The following PI4K2A variants were observed in gnomAD, a reference collection of about 807,000 sequenced individuals.
PI4K2A encodes phosphatidylinositol 4-kinase type 2 alpha, also known as phosphatidylinositol 4-kinase type 2-alpha.
PI4K2A carries 20 observed loss-of-function variants against 55.0 expected under a neutral mutation model. That is an observed-to-expected ratio of 0.36 (90% CI 0.26 to 0.53). PI4K2A has a LOEUF of 0.53. Ranked by LOEUF, PI4K2A falls within the 20% of genes least tolerant of loss-of-function variation. PI4K2A has a pLI of 0.91. For synonymous variants in PI4K2A, 235 were observed against 258.5 expected (o/e 0.91, Z 0.87); for missense variants, 463 against 637.1 (o/e 0.73, Z 2.94).
chr10:97,673,948 G>A (rs1202405085), exon 9 of PI4K2A: 1 of 552,096 alleles, frequency 1.8e-6, no homozygotes, highest in Non-Finnish European at 3.2e-6. Flanking sequence ...TGATGTGGGG[G>A]AGGCTGGAGC....
At chr10:97,667,754 C>A (rs931723655) in intron 8 of PI4K2A, among the ~76,000 whole-genome samples, 1 of 152,148 alleles carries the variant, frequency 6.6e-6, no homozygotes, top group Non-Finnish European at 1.5e-5. Context: ...AGATCTGGGC[C>A]CTGGAGCCAG....
Position 97,656,363 on chromosome 10 carries a change from GA to G in PI4K2A, c.716del (p.Glu239GlyfsTer77), listed in dbSNP as rs754359547. On this transcript the variant is annotated frameshift_variant, in exon 3 of 9. Coordinates refer to ENST00000370631, the Ensembl canonical transcript of PI4K2A. LOFTEE classifies it high-confidence loss of function. The surrounding 1 kb of genome is among the most constrained non-coding windows in gnomAD (Gnocchi z 4.5). ...GTCCAGGGGCAAGCGGCTTGCACTA[GA>G]GAAAGTGCCAAAAGTTGGACAGCGG... 3 of 1,613,974 alleles carry G rather than the reference GA, an allele frequency of 1.9e-6. No individual in the cohort carries two copies.
intron 1 of PI4K2A, among the ~76,000 whole-genome samples, chr10:97,649,456 T>G (rs993276163): frequency 2.6e-5 from 4 of 152,124 alleles, no homozygotes; most frequent in Non-Finnish European, 5.9e-5. Context: ...ATGTCCTGGT[T>G]TCTTGCCTAT....
At position 97,672,722 on chromosome 10, in the gene PI4K2A, G is replaced by GTTTTTTTTT. The variant is rs201709914; in HGVS notation, c.1279-857_1279-856insTTTTTTTTT. ...ATGGAATTGCCGAGTCAGAGGGTCT[G>GTTTTTTTTT]TTCTTTTTTTTTTTTTTTTTTTTTT... is the stretch of plus-strand genomic sequence containing the variant. On this transcript the variant is annotated intron_variant, in intron 8 of 8. Transcript: ENST00000370631. 1.4e-3 allele frequency among the ~76,000 whole-genome samples: 131 copies of GTTTTTTTTT among 94,738 alleles called. 14 individuals are homozygous for GTTTTTTTTT. The highest frequency in any genetic ancestry group is 1.7e-3 in the Non-Finnish European group (85 of 50,108). The allele number at this position is 94,738 out of a possible 152,430, so 62.2% of individuals were successfully genotyped here.
chr10:97,656,383 A>G lies in PI4K2A; in HGVS notation c.735A>G (p.Gly245=), dbSNP rs771189788. 4 of 1,614,178 alleles carry G rather than the reference A, an allele frequency of 2.5e-6. No homozygotes were observed. Among genetic ancestry groups the G allele is most frequent in the Non-Finnish European group, 3.4e-6 (4 of 1,180,014 alleles). ...CACTAGAGAAAGTGCCAAAAGTTGG[A>G]CAGCGGTTTAACCGCATCGGGCTAC... The change falls in exon 3 of 9, where the codon GGA becomes GGG. Residue 245 remains glycine, a synonymous_variant. Transcript: ENST00000370631. The surrounding 1 kb of genome is among the most constrained non-coding windows in gnomAD (Gnocchi z 4.5).
chr10:97,651,230 C>A, intron 2 of PI4K2A, 89 bp downstream of exon 2: 1 of 929,070 alleles, frequency 1.1e-6, no homozygotes, highest in Non-Finnish European at 1.7e-6. Context: ...GACCTTGGGT[C>A]CAGTGGGGTC....
In PI4K2A at chr10:97,650,938, T is replaced by A; in HGVS notation, c.436-3T>A. On this transcript the variant is annotated splice_region_variant and splice_polypyrimidine_tract_variant and intron_variant, in intron 1 of 8. Coordinates refer to ENST00000370631, the Ensembl canonical transcript of PI4K2A. ...ACATCCTCTTTTTCTTTGGTCTCTG[T>A]AGAGGATCATTGCTGTCTTCAAACC... 1 of 1,609,614 alleles carries A rather than the reference T, an allele frequency of 6.2e-7. No individual in the cohort carries two copies. The highest frequency in any genetic ancestry group is 8.5e-7 in the Non-Finnish European group (1 of 1,175,900).
chr10:97,642,082 T>G (rs1049387303), intron 1 of PI4K2A, among the ~76,000 whole-genome samples: 1 of 152,152 alleles, frequency 6.6e-6, no homozygotes, highest in African/African-American at 2.4e-5. Flanking sequence ...CTGCAATGGG[T>G]CATTGGAAAG....
exon 1 of PI4K2A, chr10:97,640,687 G>A: frequency 4.6e-6 from 6 of 1,291,400 alleles, no homozygotes; most frequent in East Asian, 2.9e-5. Context: ...GATTGGTCGC[G>A]GCCGCGAGCG....
chr10:97,664,790 C>T, intron 5 of PI4K2A, 95 bp from the exon 6 acceptor site: 1 of 760,608 alleles, frequency 1.3e-6, no homozygotes, highest in African/African-American at 1.7e-5. Context: ...AAGAATTCTT[C>T]TCTTGAGGGA....
chr10:97,673,704 A>G, exon 9 of PI4K2A: 1 of 1,613,978 alleles, frequency 6.2e-7, no homozygotes, highest in Non-Finnish European at 8.5e-7. Flanking sequence ...CTACACACAG[A>G]GCTTTCAGAG....
At chr10:97,675,293 G>C (rs1288437179) in exon 9 of PI4K2A, 1 of 152,240 alleles carries the variant, frequency 6.6e-6, no homozygotes, top group African/African-American at 2.4e-5. Flanking sequence ...GCTGGTCCAG[G>C]CTGGTCCCCG....
chr10:97,675,941 T>C (rs901544142), exon 9 of PI4K2A: 1 of 152,678 alleles, frequency 6.5e-6, no homozygotes, highest in East Asian at 1.9e-4. Flanking sequence ...GAATGGAGGC[T>C]GGGCTGCGAG....
chr10:97,672,323 G>A (rs1295627013), intron 8 of PI4K2A, among the ~76,000 whole-genome samples: 1 of 152,152 alleles, frequency 6.6e-6, no homozygotes, highest in Non-Finnish European at 1.5e-5. Flanking sequence ...TTACAGACAT[G>A]AGCCACTACG....
At chr10:97,669,856 C>T (rs2041627169) in intron 8 of PI4K2A, among the ~76,000 whole-genome samples, 2 of 152,140 alleles carry the variant, frequency 1.3e-5, no homozygotes, top group Non-Finnish European at 1.5e-5. Context: ...GGCTTCTCAC[C>T]GGGAGTTAAA....
exon 1 of PI4K2A, chr10:97,640,788 C>T: frequency 6.7e-7 from 1 of 1,494,456 alleles, no homozygotes; most frequent in Non-Finnish European, 8.9e-7. Flanking sequence ...GGCCCAACCC[C>T]CGGACTACAC....
chr10:97,650,093 T>A (rs977856853), intron 1 of PI4K2A, among the ~76,000 whole-genome samples: 1 of 152,000 alleles, frequency 6.6e-6, no homozygotes, highest in South Asian at 2.1e-4. Flanking sequence ...CAGGGGTGCA[T>A]GCAAAAAAAG....
At chr10:97,668,946 A>G (rs1056826059) in intron 8 of PI4K2A, among the ~76,000 whole-genome samples, 34 of 152,092 alleles carry the variant, frequency 2.2e-4, no homozygotes, top group African/African-American at 7.7e-4. Context: ...GCTCACTGCA[A>G]CCTTCACCTC....
intron 8 of PI4K2A, among the ~76,000 whole-genome samples, chr10:97,670,839 T>C (rs1191801178): frequency 1.3e-5 from 2 of 152,032 alleles, no homozygotes; most frequent in Admixed American, 6.6e-5. Flanking sequence ...CAACATCTAG[T>C]GTTTTAAAGA....
Sources: gnomAD v4.1 joint callset for allele counts (sites outside exome capture counted in the v4.1 genomes callset) on GRCh38, gnomAD v4.1.1 for gene constraint, Gnocchi (gnomAD v3.1) non-coding constraint, MANE v1.5 for transcripts, NCBI Gene and HGNC (gene_info 2026-07-23, HGNC 2026-07-21) for gene names.